The following SLC25A20 variants were observed in gnomAD, a reference collection of about 807,000 sequenced individuals.
SLC25A20 encodes solute carrier family 25 member 20, also known as mitochondrial carnitine/acylcarnitine carrier protein.
SLC25A20 carries 29 observed loss-of-function variants against 39.7 expected under a neutral mutation model. The ratio of observed to expected loss-of-function variants is 0.73; its 90% CI spans 0.54 to 1.00. The LOEUF is 1.00. SLC25A20 is among the 50% of genes least tolerant of loss of function. The probability of loss-of-function intolerance (pLI) is 0.00; values close to 1 mark genes in which losing one functional copy is unlikely to be tolerated. For missense variants in SLC25A20, 333 were observed against 379.9 expected, an observed-to-expected ratio of 0.88 and a Z score of 1.03; for synonymous variants, 103 against 142.2, an observed-to-expected ratio of 0.72 and a Z score of 1.96.
chr3:48,878,525 C>T (rs191569903), intron 4 of SLC25A20, among the ~76,000 whole-genome samples: 252 of 151,650 alleles, frequency 1.7e-3, no homozygotes, highest in African/African-American at 5.8e-3. Flanking sequence ...TGGGGCTGGG[C>T]GTGGTGGCTC....
intron 3 of SLC25A20, 92 bp from the exon 4 acceptor site, chr3:48,879,540 A>G: frequency 1.2e-6 from 1 of 861,376 alleles, no homozygotes. Flanking sequence ...TTTGTAAGAA[A>G]AAAAATAAGT....
chr3:48,896,446 C>G (rs2083910239), intron 1 of SLC25A20, among the ~76,000 whole-genome samples: 1 of 151,980 alleles, frequency 6.6e-6, no homozygotes, highest in South Asian at 2.1e-4. Flanking sequence ...TATCAGCCAT[C>G]CAAACCAGCA....
At chr3:48,865,603 A>T (rs1221246528) in intron 4 of SLC25A20, among the ~76,000 whole-genome samples, 11 of 150,392 alleles carry the variant, frequency 7.3e-5, no homozygotes, top group African/African-American at 2.7e-4. Context: ...TCTAAAAAAA[A>T]AAAAAAAAAA....
chr3:48,857,681 C>A lies in SLC25A20; in HGVS notation c.*29G>T. 1 of 1,609,808 alleles carries A rather than the reference C, an allele frequency of 6.2e-7. No homozygotes were observed. The highest frequency in any genetic ancestry group is 8.5e-7 in the Non-Finnish European group (1 of 1,176,672). On this transcript the variant is annotated 3_prime_UTR_variant, in exon 9 of 9. Coordinates refer to ENST00000319017, the MANE Select transcript of SLC25A20 (RefSeq NM_000387.6). Reference sequence around the variant, plus strand: ...TCTCCTCAACGACAGCTTCCAGCATCCAGAAGTGAACTTGAGCAGCCTTCA... The same window carrying A: ...TCTCCTCAACGACAGCTTCCAGCATACAGAAGTGAACTTGAGCAGCCTTCA...
chr3:48,895,848 C>T (rs1397123701), intron 1 of SLC25A20: 2 of 456,240 alleles, frequency 4.4e-6, no homozygotes, highest in African/African-American at 2.0e-5. Flanking sequence ...TGGATCAAAG[C>T]TTCTGACTAG....
chr3:48,872,736 G>A (rs2083725977), intron 4 of SLC25A20, among the ~76,000 whole-genome samples: 1 of 151,344 alleles, frequency 6.6e-6, no homozygotes, highest in South Asian at 2.1e-4. Flanking sequence ...GGTGGCACAT[G>A]CCTGTAATCC....
intron 5 of SLC25A20, among the ~76,000 whole-genome samples, chr3:48,861,265 A>T (rs1007884422): frequency 6.6e-6 from 1 of 152,082 alleles, no homozygotes; most frequent in Admixed American, 6.6e-5. Context: ...GCCCCCACAG[A>T]TTTCTTGAAT....
intron 2 of SLC25A20, among the ~76,000 whole-genome samples, chr3:48,885,586 A>T (rs1467076160): frequency 6.6e-6 from 1 of 152,124 alleles, no homozygotes; most frequent in Non-Finnish European, 1.5e-5. Flanking sequence ...CAGGCGGATC[A>T]CAAGGTAGGA....
intron 4 of SLC25A20, among the ~76,000 whole-genome samples, chr3:48,866,757 A>T (rs780354003): frequency 4.0e-5 from 6 of 151,518 alleles, no homozygotes; most frequent in Non-Finnish European, 8.8e-5. Context: ...CAGACTCCTG[A>T]ATAGCTAGGG....
intron 4 of SLC25A20, among the ~76,000 whole-genome samples, chr3:48,877,526 C>T (rs770412617): frequency 1.3e-5 from 2 of 151,746 alleles, no homozygotes; most frequent in African/African-American, 2.4e-5. Context: ...GTCAGGAGAT[C>T]GAAACCATCC....
At position 48,858,559 on chromosome 3, in the gene SLC25A20, G is replaced by T. The variant is rs1344702921; in HGVS notation, c.791C>A (p.Ser264Tyr). The change falls in exon 8 of 9, where the codon TCC becomes TAC. Residue 264 changes from serine to tyrosine, a missense_variant. Physicochemically the swap from Ser to Tyr is moderately radical, Grantham distance 144 (BLOSUM62 -2). Transcript: ENST00000319017. ...RELIRDEGVT[S>Y]LYKGFNAVMI... The stretch of plus-strand genomic sequence containing the variant: ...CACTGCATTGAACCCTTTGTACAAG[G>T]ATGTGACTCCTTCATCCCGGATCAG... 1 of 1,614,190 alleles carries T rather than the reference G, an allele frequency of 6.2e-7. No individual in the cohort carries two copies. The highest frequency in any genetic ancestry group is 1.1e-5 in the South Asian group (1 of 91,082).
At chr3:48,881,205 C>A (rs576880494) in intron 3 of SLC25A20, among the ~76,000 whole-genome samples, 1 of 152,192 alleles carries the variant, frequency 6.6e-6, no homozygotes, top group Non-Finnish European at 1.5e-5. Flanking sequence ...CTCAGGCACA[C>A]AGCCAAGCTG....
chr3:48,871,982 ATTTTTTTTTTTTT>A (rs71077746), intron 4 of SLC25A20, among the ~76,000 whole-genome samples: 3 of 56,670 alleles, frequency 5.3e-5, no homozygotes, highest in Non-Finnish European at 6.1e-5. Context: ...TGCCCAGCTA[ATTTTTTTTTTTTT>A]TTTTTTTTTT....
chr3:48,878,144 C>T (rs1165982004), intron 4 of SLC25A20, among the ~76,000 whole-genome samples: 1 of 150,684 alleles, frequency 6.6e-6, no homozygotes, highest in Admixed American at 6.7e-5. Flanking sequence ...GCCTGTGGTC[C>T]CAGCTACTCA....
At chr3:48,891,230 G>C (rs1479349901) in intron 2 of SLC25A20, among the ~76,000 whole-genome samples, 1 of 152,006 alleles carries the variant, frequency 6.6e-6, no homozygotes, top group Non-Finnish European at 1.5e-5. Context: ...GCATGCCACC[G>C]TGCACAGCCA....
intron 4 of SLC25A20, among the ~76,000 whole-genome samples, chr3:48,864,347 CAAAAAAAAAAAAAAA>C (rs55843120): frequency 2.1e-5 from 1 of 48,060 alleles, no homozygotes; most frequent in Non-Finnish European, 3.5e-5. Flanking sequence ...GACTCTGTCT[CAAAAAAAAAAAAAAA>C]AAAAAAAAAA....
intron 4 of SLC25A20, among the ~76,000 whole-genome samples, chr3:48,869,954 C>CA (rs559551144): frequency 1.2e-3 from 184 of 151,434 alleles, no homozygotes; most frequent in Admixed American, 3.3e-3. Flanking sequence ...CCTGTCTCTA[C>CA]AAAAAACTAA....
Position 48,857,803 on chromosome 3 carries a change from C to T in SLC25A20, c.844-31G>A, listed in dbSNP as rs377391344. 6 of 1,600,794 alleles carry T rather than the reference C, an allele frequency of 3.7e-6. No homozygotes were observed. The African/African-American group carries it at 6.7e-5, about 18-fold the overall frequency. ...AAGGGATTGGGAGGAAGAAAAAAGC[C>T]AGCAGGAATAACTATTCATAGACTA... is the stretch of plus-strand genomic sequence containing the variant. On this transcript the variant is annotated intron_variant, in intron 8 of 8. Coordinates refer to ENST00000319017, the MANE Select transcript of SLC25A20 (RefSeq NM_000387.6).
intron 4 of SLC25A20, among the ~76,000 whole-genome samples, chr3:48,873,181 G>A (rs1201593350): frequency 6.6e-6 from 1 of 151,610 alleles, no homozygotes; most frequent in Non-Finnish European, 1.5e-5. Context: ...CCAAGATCAC[G>A]CCACTGCCCT....
Sources: gnomAD v4.1 joint callset for allele counts (sites outside exome capture counted in the v4.1 genomes callset) on GRCh38, gnomAD v4.1.1 for gene constraint, MANE v1.5 for transcripts, NCBI Gene and HGNC (gene_info 2026-07-23, HGNC 2026-07-21) for gene names.